The following C10orf53 variants were observed in gnomAD, a reference collection of about 807,000 sequenced individuals.
The protein encoded by C10orf53 is UPF0728 protein C10orf53.
In C10orf53, 8 loss-of-function variants were observed where a neutral mutation model predicts 9.4. That is an observed-to-expected ratio of 0.85 (90% confidence interval 0.50 to 1.53). The LOEUF (loss-of-function observed/expected upper bound fraction) is 1.53, where lower values mean the gene tolerates loss of function less well. Among genes scored for constraint, C10orf53 ranks in the 40% most tolerant of loss-of-function variants. The pLI is 0.00. For synonymous variants in C10orf53, 48 were observed against 46.0 expected, an observed-to-expected ratio of 1.04 and a Z score of -0.18; for missense variants, 117 against 117.8, an observed-to-expected ratio of 0.99 and a Z score of 0.03.
chr10:49,698,992 A>G (rs147023331), downstream of C10orf53, among the ~76,000 whole-genome samples: 3 of 152,224 alleles, frequency 2.0e-5, no homozygotes, highest in African/African-American at 4.8e-5. Flanking sequence ...TGTGCAGGGT[A>G]TCAATCTTCT....
intron 1 of C10orf53, among the ~76,000 whole-genome samples, chr10:49,691,837 C>T (rs59582804): frequency 0.013 from 2,048 of 152,336 alleles, 43 homozygotes; most frequent in African/African-American, 0.043. Context: ...GTCCATGCAC[C>T]CTCACTCCTC....
At chr10:49,705,918 T>C (rs1840719471) in intron 2 of C10orf53, among the ~76,000 whole-genome samples, 1 of 151,556 alleles carries the variant, frequency 6.6e-6, no homozygotes, top group Non-Finnish European at 1.5e-5. Flanking sequence ...AGCTCAATAA[T>C]AAAAGGACAA....
rs544141149 is a variant in C10orf53 at position 49,696,055 on chromosome 10, A to G, written c.*1453A>G. The stretch of plus-strand genomic sequence containing the variant: ...TTTAGTAACATTTTTATATATTTCA[A>G]TTTGGGTTTCTTCTGTTTATGTCTG... On this transcript the variant is annotated 3_prime_UTR_variant, in exon 3 of 3. Coordinates refer to ENST00000374111, the MANE Select transcript of C10orf53 (RefSeq NM_001042427.3). 6.6e-6 allele frequency: 1 copy of G among 152,302 alleles called. No individual in the cohort carries two copies. Among genetic ancestry groups the G allele is most frequent in the Non-Finnish European group, 1.5e-5 (1 of 68,032 alleles). 9.4% of individuals were successfully genotyped at this position (152,302 alleles called of 1,614,324 possible). A position where few individuals can be genotyped will look rare whatever the true frequency, so the allele number is the denominator to read the frequency against.
intron 2 of C10orf53, among the ~76,000 whole-genome samples, chr10:49,704,247 A>ATACT (rs1428891780): frequency 6.6e-6 from 1 of 152,218 alleles, no homozygotes; most frequent in African/African-American, 2.4e-5. Flanking sequence ...AAAAGTGAAA[A>ATACT]TACTTGTGAA....
rs1213079509 is a variant in C10orf53 at position 49,695,287 on chromosome 10, C to T, written c.*685C>T. 2.6e-5 allele frequency: 4 copies of T among 152,096 alleles called. No individual in the cohort carries two copies. Among genetic ancestry groups the T allele is most frequent in the African/African-American group, 9.7e-5 (4 of 41,384 alleles). 9.4% of individuals were successfully genotyped at this position (152,096 alleles called of 1,614,324 possible). A position where few individuals can be genotyped will look rare whatever the true frequency, so the allele number is the denominator to read the frequency against. On this transcript the variant is annotated 3_prime_UTR_variant, in exon 3 of 3. Coordinates refer to ENST00000374111, the MANE Select transcript of C10orf53 (RefSeq NM_001042427.3). ...GGTCCCTCTGGAGTAGAACACAGCCCCATAGAGTTAAAGAGGGTTTTCACT... is the reference window on the plus strand; with the variant it reads ...GGTCCCTCTGGAGTAGAACACAGCCTCATAGAGTTAAAGAGGGTTTTCACT...
At chr10:49,689,788 C>T (rs1840564422) in intron 1 of C10orf53, among the ~76,000 whole-genome samples, 1 of 152,082 alleles carries the variant, frequency 6.6e-6, no homozygotes, top group Non-Finnish European at 1.5e-5. Context: ...CTGAAAAAGA[C>T]AGAGGGAGAG....
intron 2 of C10orf53, among the ~76,000 whole-genome samples, chr10:49,703,360 A>G (rs963585921): frequency 1.3e-5 from 2 of 152,178 alleles, no homozygotes; most frequent in Non-Finnish European, 2.9e-5. Flanking sequence ...AACACACGCC[A>G]TGGGCCTTCG....
chr10:49,685,829 T>C (rs2132876240), intron 1 of C10orf53, among the ~76,000 whole-genome samples: 1 of 152,356 alleles, frequency 6.6e-6, no homozygotes, highest in East Asian at 1.9e-4. Flanking sequence ...TTTATCCTGC[T>C]TGGAGTTGGT....
At chr10:49,701,888 G>A (rs1022531653), downstream of C10orf53, among the ~76,000 whole-genome samples, 1 of 152,176 alleles carries the variant, frequency 6.6e-6, no homozygotes, top group Non-Finnish European at 1.5e-5. Flanking sequence ...TCAGCAGCAT[G>A]TTGAATAAAA....
downstream of C10orf53, among the ~76,000 whole-genome samples, chr10:49,701,586 A>G (rs1346628309): frequency 6.6e-6 from 1 of 152,102 alleles, no homozygotes; most frequent in African/African-American, 2.4e-5. Context: ...AGTAAACCAT[A>G]GTCTTTTCTC....
intron 2 of C10orf53, among the ~76,000 whole-genome samples, chr10:49,704,719 G>T (rs376362023): frequency 2.0e-5 from 3 of 152,266 alleles, no homozygotes; most frequent in African/African-American, 7.2e-5. Flanking sequence ...ACTCCACCCT[G>T]GGTGGCAGAG....
At chr10:49,684,614 A>G (rs1840510039) in intron 1 of C10orf53, among the ~76,000 whole-genome samples, 1 of 152,124 alleles carries the variant, frequency 6.6e-6, no homozygotes, top group African/African-American at 2.4e-5. Flanking sequence ...TTTAGATACT[A>G]CTATAAATGG....
rs190667069 is a variant in C10orf53 at position 49,682,301 on chromosome 10, C to T, written c.97+2507C>T. Among the ~76,000 whole-genome samples, 333 of 152,290 alleles carry T rather than the reference C, an allele frequency of 2.2e-3. 4 individuals carry two copies. Among genetic ancestry groups the T allele is most frequent in the African/African-American group, 7.4e-3 (308 of 41,578 alleles). ...ATTCCTTCTGGTGGGTTCATGGTCT[C>T]GCTGACTTCAAGAATGAAGCCAGGG... On this transcript the variant is annotated intron_variant, in intron 1 of 2. Transcript: ENST00000374111.
chr10:49,681,657 G>C (rs1341187035), intron 1 of C10orf53, among the ~76,000 whole-genome samples: 1 of 152,158 alleles, frequency 6.6e-6, no homozygotes, highest in East Asian at 1.9e-4. Context: ...GTCTGGCAAG[G>C]TCAGCTTCTG....
In C10orf53 at chr10:49,696,764, G is replaced by C. The variant is rs146190776; in HGVS notation, c.*2162G>C. On this transcript the variant is annotated 3_prime_UTR_variant, in exon 3 of 3. Transcript: ENST00000374111. The stretch of plus-strand genomic sequence containing the variant: ...TTCCTCTGAGCAGTGGGATTGGGGG[G>C]TGTGGGGGGCAGGTGAGGTAGAGGG... Among the ~76,000 whole-genome samples, 37 of 152,226 alleles carry C rather than the reference G, an allele frequency of 2.4e-4. No individual in the cohort carries two copies. The East Asian group carries it at 6.6e-3, about 27-fold the overall frequency.
intron 2 of C10orf53, among the ~76,000 whole-genome samples, chr10:49,702,596 C>T (rs1840692372): frequency 6.6e-6 from 1 of 152,192 alleles, no homozygotes; most frequent in South Asian, 2.1e-4. Flanking sequence ...TCCTGTTTCT[C>T]AGGTCTTCAT....
chr10:49,683,492 G>A (rs1242178554), intron 1 of C10orf53, among the ~76,000 whole-genome samples: 3 of 152,062 alleles, frequency 2.0e-5, no homozygotes, highest in Non-Finnish European at 2.9e-5. Context: ...CACTTTCTTG[G>A]TAGTGTCCTT....
At chr10:49,706,133 C>A (rs1840720703) in intron 2 of C10orf53, among the ~76,000 whole-genome samples, 1 of 152,192 alleles carries the variant, frequency 6.6e-6, no homozygotes. Context: ...GAAATCAGAA[C>A]CCTCATACAC....
At chr10:49,700,938 AC>A (rs773692166), downstream of C10orf53, among the ~76,000 whole-genome samples, 1 of 152,048 alleles carries the variant, frequency 6.6e-6, no homozygotes, top group Non-Finnish European at 1.5e-5. Flanking sequence ...TTTTGAGCAA[AC>A]TTGGGGTTTT....
Sources: gnomAD v4.1 joint callset for allele counts (sites outside exome capture counted in the v4.1 genomes callset) on GRCh38, gnomAD v4.1.1 for gene constraint, MANE v1.5 for transcripts, NCBI Gene and HGNC (gene_info 2026-07-23, HGNC 2026-07-21) for gene names.